Variants in SSBP2 observed in about 807,000 individuals in gnomAD.
SSBP2 encodes the protein single stranded DNA binding protein 2, also known as single-stranded DNA-binding protein 2.
In SSBP2, 17 loss-of-function variants were observed where a neutral mutation model predicts 61.8. The ratio of observed to expected loss-of-function variants is 0.28; its 90% confidence interval spans 0.19 to 0.41. The LOEUF is 0.41. Among genes scored for constraint, SSBP2 ranks in the 10% least tolerant of loss-of-function variants. The pLI is 1.00. For missense variants in SSBP2, 310 were observed against 458.7 expected (o/e 0.68, Z 2.96); for synonymous variants, 139 against 141.3 (o/e 0.98, Z 0.12).
At chr5:81,501,563 C>CTTTTTTTTTTTTTT (rs71603598) in intron 5 of SSBP2, among the ~76,000 whole-genome samples, 6 of 117,374 alleles carry the variant, frequency 5.1e-5, no homozygotes, top group Non-Finnish European at 1.1e-4. Context: ...TCTTTCTTTT[C>CTTTTTTTTTTTTTT]TTTTTTTTTT....
At chr5:81,550,677 A>G (rs1772105469) in intron 4 of SSBP2, among the ~76,000 whole-genome samples, 3 of 152,208 alleles carry the variant, frequency 2.0e-5, no homozygotes, top group Admixed American at 2.0e-4. Flanking sequence ...TATTTGACTT[A>G]ACCATGTAGA....
At position 81,536,796 on chromosome 5, in the gene SSBP2, C is replaced by T. The variant is rs148788418; in HGVS notation, c.283-23079G>A. Reference sequence around the variant, plus strand: ...TTGTACTTTGGGAGGCCAAGGAGGGCGGATCATGAGGTCAGGAAATCAAGA... The same window carrying T: ...TTGTACTTTGGGAGGCCAAGGAGGGTGGATCATGAGGTCAGGAAATCAAGA... On this transcript the variant is annotated intron_variant, in intron 4 of 16. Transcript: ENST00000320672. 1.1e-3 allele frequency among the ~76,000 whole-genome samples: 169 copies of T among 152,050 alleles called. 1 individual carries two copies. The East Asian group carries it at 0.02, about 18-fold the overall frequency.
chr5:81,539,820 G>A (rs1048244907), intron 4 of SSBP2, among the ~76,000 whole-genome samples: 6 of 152,138 alleles, frequency 3.9e-5, no homozygotes, highest in African/African-American at 1.4e-4. Flanking sequence ...AGGTATACAC[G>A]TGCCATGGAA....
intron 4 of SSBP2, among the ~76,000 whole-genome samples, chr5:81,549,642 C>G (rs1415436859): frequency 6.6e-6 from 1 of 152,186 alleles, no homozygotes; most frequent in African/African-American, 2.4e-5. Context: ...TGAAAGAATA[C>G]ATGAATGATT....
At chr5:81,746,121 T>C (rs1309252873) in intron 1 of SSBP2, among the ~76,000 whole-genome samples, 1 of 152,108 alleles carries the variant, frequency 6.6e-6, no homozygotes, top group Admixed American at 6.5e-5. Context: ...CTACTACTTC[T>C]AAGAGTCACA....
intron 2 of SSBP2, among the ~76,000 whole-genome samples, chr5:81,644,374 G>C (rs548635932): frequency 6.6e-6 from 1 of 152,274 alleles, no homozygotes; most frequent in Non-Finnish European, 1.5e-5. Context: ...TATGTAACAA[G>C]AATTTAGGAA....
chr5:81,434,524 C>T (rs772244772), intron 15 of SSBP2, among the ~76,000 whole-genome samples: 1 of 149,216 alleles, frequency 6.7e-6, no homozygotes, highest in Non-Finnish European at 1.5e-5. Context: ...AGCTACTTGG[C>T]AGGCTGAGGC....
intron 11 of SSBP2, among the ~76,000 whole-genome samples, chr5:81,447,217 C>G (rs1452981319): frequency 6.6e-6 from 1 of 152,014 alleles, no homozygotes; most frequent in Non-Finnish European, 1.5e-5. Context: ...TCAACAGGGT[C>G]TTTACAAATC....
intron 4 of SSBP2, among the ~76,000 whole-genome samples, chr5:81,563,539 C>A (rs1323089564): frequency 3.3e-5 from 5 of 152,126 alleles, no homozygotes; most frequent in Admixed American, 3.3e-4. Flanking sequence ...GACACTGAAA[C>A]AGTGTAGTAC....
intron 1 of SSBP2, among the ~76,000 whole-genome samples, chr5:81,743,706 G>A (rs552892587): frequency 1.3e-5 from 2 of 152,308 alleles, no homozygotes; most frequent in African/African-American, 2.4e-5. Flanking sequence ...ATAAGAAGAT[G>A]TCTCCTAAGC....
chr5:81,511,123 T>C (rs970132413), intron 5 of SSBP2, among the ~76,000 whole-genome samples: 1 of 152,170 alleles, frequency 6.6e-6, no homozygotes, highest in Non-Finnish European at 1.5e-5. Flanking sequence ...CCTCTCTTCC[T>C]TTGCCTAAGT....
At chr5:81,494,234 T>A (rs1767123643) in intron 5 of SSBP2, among the ~76,000 whole-genome samples, 1 of 152,218 alleles carries the variant, frequency 6.6e-6, no homozygotes, top group South Asian at 2.1e-4. Flanking sequence ...GGCTATGCTT[T>A]TAAAAAAGTT....
In SSBP2 at chr5:81,474,488, G is replaced by C. The variant is rs1432703571; in HGVS notation, c.499+8C>G. The C allele has an allele frequency of 6.2e-7, 1 of 1,611,510 alleles. No individual in the cohort carries two copies. Among genetic ancestry groups the C allele is most frequent in the Non-Finnish European group, 8.5e-7 (1 of 1,178,382 alleles). ...ACATCAATTTTCCTTTTACTTTAGA[G>C]TAGTCACCTTGTTGTCGAGTTGGAT... On this transcript the variant is annotated splice_region_variant and intron_variant, in intron 7 of 16. Transcript: ENST00000320672.
Position 81,420,360 on chromosome 5 carries a change from G to C in SSBP2, c.*144C>G, listed in dbSNP as rs377526627. On this transcript the variant is annotated 3_prime_UTR_variant, in exon 17 of 17. Transcript: ENST00000320672. Reference sequence around the variant, plus strand: ...GGACCCGCTTTCTTCACAAAAGAGGGGAGAGAGCAGGAAATAAAAAGGTTG... The same window carrying C: ...GGACCCGCTTTCTTCACAAAAGAGGCGAGAGAGCAGGAAATAAAAAGGTTG... 41 of 729,064 alleles carry C rather than the reference G, an allele frequency of 5.6e-5. 1 individual carries two copies. The South Asian group carries it at 6.3e-4, about 11-fold the overall frequency. 45.2% of individuals were successfully genotyped at this position (729,064 alleles called of 1,614,324 possible).
rs540550341 is a variant in SSBP2 at position 81,619,619 on chromosome 5, C to T, written c.198-4062G>A. On this transcript the variant is annotated intron_variant, in intron 3 of 16. Transcript: ENST00000320672. ...ACTCATTTTATGGGCCAGCATCATT[C>T]TGATACCAAAGCCGGGCAGAGACAC... 4.8e-3 allele frequency among the ~76,000 whole-genome samples: 697 copies of T among 146,004 alleles called. 9 individuals carry two copies. Among genetic ancestry groups the T allele is most frequent in the African/African-American group, 0.015 (588 of 38,826 alleles).
intron 3 of SSBP2, among the ~76,000 whole-genome samples, chr5:81,635,706 C>G (rs1385354548): frequency 6.6e-6 from 1 of 151,804 alleles, no homozygotes; most frequent in African/African-American, 2.4e-5. Flanking sequence ...GCCTTAGCCT[C>G]CTGGGTACCT....
chr5:81,647,662 C>T (rs544698040), intron 2 of SSBP2, among the ~76,000 whole-genome samples: 1 of 152,110 alleles, frequency 6.6e-6, no homozygotes, highest in African/African-American at 2.4e-5. Context: ...TTCAGTTTGA[C>T]GTCTCGTGTG....
chr5:81,483,845 C>T (rs995105901), intron 6 of SSBP2, among the ~76,000 whole-genome samples: 12 of 152,004 alleles, frequency 7.9e-5, no homozygotes, highest in African/African-American at 2.9e-4. Flanking sequence ...AAATTAAAAG[C>T]TCTTTACCAC....
At position 81,513,732 on chromosome 5, in the gene SSBP2, G is replaced by A; in HGVS notation, c.283-15C>T. The A allele has an allele frequency of 1.3e-6, 2 of 1,582,776 alleles. No homozygotes were observed. The highest frequency in any genetic ancestry group is 1.7e-6 in the Non-Finnish European group (2 of 1,154,180). ...GCTGCAGCACTCTGCAAAGAATAAA[G>A]GAGAAACAAACCTATATCATTACAG... On this transcript the variant is annotated splice_polypyrimidine_tract_variant and intron_variant, in intron 4 of 16. Coordinates refer to ENST00000320672, the MANE Select transcript of SSBP2 (RefSeq NM_012446.5).
Sources: allele counts gnomAD v4.1 joint callset (sites outside exome capture counted in the v4.1 genomes callset), GRCh38; gene constraint gnomAD v4.1.1; transcripts MANE v1.5; gene names NCBI Gene and HGNC (gene_info 2026-07-23, HGNC 2026-07-21).